Variants in EWSR1 observed in about 807,000 individuals in gnomAD.
EWSR1 encodes EWS RNA binding protein 1.
In EWSR1, 14 loss-of-function variants were observed where a neutral mutation model predicts 92.1. The ratio of observed to expected loss-of-function variants is 0.15; its 90% CI spans 0.10 to 0.24. EWSR1 has a LOEUF of 0.24. Among genes scored for constraint, EWSR1 ranks in the 10% least tolerant of loss-of-function variants. The pLI is 1.00. For missense variants in EWSR1, 637 were observed against 870.9 expected (o/e 0.73, Z 3.38); for synonymous variants, 303 against 292.9 (o/e 1.03, Z -0.35).
At chr22:29,293,959 C>T (rs2060640906) in intron 11 of EWSR1, among the ~76,000 whole-genome samples, 1 of 151,984 alleles carries the variant, frequency 6.6e-6, no homozygotes, top group East Asian at 1.9e-4. Flanking sequence ...TTTACTGTAA[C>T]CTCTGCCTCC....
chr22:29,280,859 G>GTT (rs1316884921), intron 5 of EWSR1, among the ~76,000 whole-genome samples: 2 of 91,022 alleles, frequency 2.2e-5, no homozygotes, highest in African/African-American at 4.0e-5. Context: ...GTGTGTGTGT[G>GTT]TTGTTTTTTT....
intron 5 of EWSR1, among the ~76,000 whole-genome samples, chr22:29,278,793 C>T (rs2059325909): frequency 1.3e-5 from 2 of 151,226 alleles, no homozygotes; most frequent in Non-Finnish European, 2.9e-5. Context: ...CCACTGCACT[C>T]CAGCCTGGGA....
intron 4 of EWSR1, chr22:29,276,117 C>T (rs930081853): frequency 8.6e-6 from 2 of 231,658 alleles, no homozygotes; most frequent in African/African-American, 4.4e-5. Flanking sequence ...AGTTATTGCC[C>T]TGATCACTTT....
intron 8 of EWSR1, chr22:29,290,151 G>A (rs985560569): frequency 1.6e-4 from 55 of 338,508 alleles, no homozygotes; most frequent in African/African-American, 9.4e-4. Context: ...CTCTCTTGCA[G>A]CCATAGAAGA....
In EWSR1 at chr22:29,278,118, C is replaced by T; in HGVS notation, c.315C>T (p.Val105=). 6.2e-7 allele frequency: 1 copy of T among 1,614,186 alleles called. No homozygotes were observed. The highest frequency in any genetic ancestry group is 8.5e-7 in the Non-Finnish European group (1 of 1,180,024). ...CTTATGATACCACCACTGCTACAGT[C>T]ACCACCACCCAGGCCTCCTATGCAG... ...TGAYDTTTAT[V]TTTQASYAAQ... Residue 105 remains valine, a synonymous_variant, in exon 5 of 17, where the codon GTC becomes GTT. Transcript: ENST00000397938.
At position 29,287,025 on chromosome 22, in the gene EWSR1, A is replaced by G; in HGVS notation, c.684A>G (p.Gln228=). The G allele has an allele frequency of 6.2e-7, 1 of 1,613,958 alleles. No individual in the cohort carries two copies. Among genetic ancestry groups the G allele is most frequent in the Non-Finnish European group, 8.5e-7 (1 of 1,179,860 alleles). The stretch of plus-strand genomic sequence containing the variant: ...ATGGACAGCAGAGTAGCTATGGTCA[A>G]CAAAGCAGCTATGGGCAGCAGCCTC... ...SSYGQQSSYG[Q]QSSYGQQPPT... The change falls in exon 7 of 17, where the codon CAA becomes CAG. Residue 228 remains glutamine, a synonymous_variant. Coordinates refer to ENST00000397938, the MANE Select transcript of EWSR1 (RefSeq NM_005243.4).
chr22:29,268,319 G>A lies in EWSR1; in HGVS notation c.-18G>A, dbSNP rs377068270. On this transcript the variant is annotated 5_prime_UTR_variant, in exon 1 of 17. Coordinates refer to ENST00000397938, the MANE Select transcript of EWSR1 (RefSeq NM_005243.4). Reference sequence around the variant, plus strand: ...AGAGGGAGACGGACGTTGAGAGAACGAGGAGGAAGGAGAGAAAATGGCGTC... The same window carrying A: ...AGAGGGAGACGGACGTTGAGAGAACAAGGAGGAAGGAGAGAAAATGGCGTC... 4 of 1,613,878 alleles carry A rather than the reference G, an allele frequency of 2.5e-6. No homozygotes were observed. Among genetic ancestry groups the A allele is most frequent in the Non-Finnish European group, 3.4e-6 (4 of 1,179,772 alleles).
chr22:29,285,006 A>G (rs952610283), intron 6 of EWSR1, among the ~76,000 whole-genome samples: 3 of 150,704 alleles, frequency 2.0e-5, no homozygotes, highest in Admixed American at 6.6e-5. Flanking sequence ...TTTAGTAGAG[A>G]CGGTGTTTTT....
chr22:29,274,237 T>C (rs770969304), intron 4 of EWSR1: 1 of 1,613,156 alleles, frequency 6.2e-7, no homozygotes. Flanking sequence ...TAGTGTACCC[T>C]CTACTTTTTG....
intron 8 of EWSR1, chr22:29,290,602 A>C (rs1425170975): frequency 6.7e-7 from 1 of 1,497,606 alleles, no homozygotes; most frequent in Non-Finnish European, 8.9e-7. Context: ...TGGTAACTGC[A>C]TACTTGTTGT....
chr22:29,295,456 T>C, intron 11 of EWSR1: 1 of 209,258 alleles, frequency 4.8e-6, no homozygotes. Context: ...AGTGAGACTC[T>C]GTCTCACAAA....
chr22:29,268,360 T>C lies in EWSR1; in HGVS notation c.13+11T>C. The C allele has an allele frequency of 6.2e-7, 1 of 1,614,066 alleles. No individual in the cohort carries two copies. The highest frequency in any genetic ancestry group is 8.5e-7 in the Non-Finnish European group (1 of 1,179,970). ...AAATGGCGTCCACGGGTGAGTATGG[T>C]GGAACTGCGGTCGCGCCGGCGGTAG... On this transcript the variant is annotated intron_variant, in intron 1 of 16. Coordinates refer to ENST00000397938, the MANE Select transcript of EWSR1 (RefSeq NM_005243.4).
intron 3 of EWSR1, among the ~76,000 whole-genome samples, chr22:29,273,385 T>C (rs2058838155): frequency 6.6e-6 from 1 of 152,252 alleles, no homozygotes; most frequent in African/African-American, 2.4e-5. Context: ...TAGCAGTTAA[T>C]ACACCTGTGC....
chr22:29,268,400 C>G (rs374736877), intron 1 of EWSR1, 51 bp downstream of exon 1: 1 of 1,613,766 alleles, frequency 6.2e-7, no homozygotes, highest in South Asian at 1.1e-5. Flanking sequence ...AACGCCCAAA[C>G]TGGGGGTCGT....
At position 29,273,806 on chromosome 22, in the gene EWSR1, G is replaced by A; in HGVS notation, c.168G>A (p.Gln56=). The A allele has an allele frequency of 6.2e-7, 1 of 1,614,022 alleles. No individual in the cohort carries two copies. ...QPTDVSYTQA[Q]TTATYGQTAY... Reference sequence around the variant, plus strand: ...CTGATGTCAGCTATACCCAGGCTCAGACCACTGCAACCTATGGGCAGACCG... The same window carrying A: ...CTGATGTCAGCTATACCCAGGCTCAAACCACTGCAACCTATGGGCAGACCG... Residue 56 remains glutamine, a synonymous_variant, in exon 4 of 17, where the codon CAG becomes CAA. Coordinates refer to ENST00000397938, the MANE Select transcript of EWSR1 (RefSeq NM_005243.4).
At chr22:29,270,540 C>A (rs868084168) in intron 1 of EWSR1, among the ~76,000 whole-genome samples, 1 of 152,190 alleles carries the variant, frequency 6.6e-6, no homozygotes. Context: ...AATTTGCTAC[C>A]TTCTATAGCC....
intron 14 of EWSR1, 112 bp from the exon 15 acceptor site, chr22:29,299,122 G>A (rs2147829849): frequency 1.9e-6 from 3 of 1,587,700 alleles, no homozygotes; most frequent in Middle Eastern, 1.7e-4. Flanking sequence ...CTAAAGCATG[G>A]GTGTACATAG....
chr22:29,282,678 C>G, intron 6 of EWSR1, 121 bp downstream of exon 6: 1 of 727,056 alleles, frequency 1.4e-6, no homozygotes, highest in Non-Finnish European at 2.0e-6. Context: ...AGTGATAAGT[C>G]ATCTGACCAT....
Position 29,291,704 on chromosome 22 carries a change from C to T in EWSR1, c.1012+105C>T, listed in dbSNP as rs765708436. The T allele has an allele frequency of 1.8e-5, 21 of 1,143,082 alleles. 1 individual carries two copies. The highest frequency in any genetic ancestry group is 2.4e-5 in the Non-Finnish European group (19 of 797,834). 70.8% of individuals were successfully genotyped at this position (1,143,082 alleles called of 1,614,324 possible). A position where few individuals can be genotyped will look rare whatever the true frequency, so the allele number is the denominator to read the frequency against. On this transcript the variant is annotated intron_variant, in intron 9 of 16. Transcript: ENST00000397938. Reference sequence around the variant, plus strand: ...GTTTCATAAGTGGTTTAAAAATGATCTATACAAAAGAGACTAATGGGTACT... The same window carrying T: ...GTTTCATAAGTGGTTTAAAAATGATTTATACAAAAGAGACTAATGGGTACT...
Sources: gnomAD v4.1 joint callset for allele counts (sites outside exome capture counted in the v4.1 genomes callset) on GRCh38, gnomAD v4.1.1 for gene constraint, MANE v1.5 for transcripts, NCBI Gene and HGNC (gene_info 2026-07-23, HGNC 2026-07-21) for gene names.